BRD10: variants seen among roughly 807,000 people sequenced by gnomAD.
BRD10 encodes bromodomain containing 10, also known as uncharacterized bromodomain-containing protein 10.
At chr9:5,908,087 T>C in the BRD10 span, among the ~76,000 whole-genome samples, 2 of 152,246 alleles carry the variant, frequency 1.3e-5, no homozygotes, top group East Asian at 3.9e-4. Context: ...GTTTGATTCT[T>C]AGCTCCACAA....
At chr9:5,978,524 T>C in the BRD10 span, among the ~76,000 whole-genome samples, 1 of 152,028 alleles carries the variant, frequency 6.6e-6, no homozygotes, top group Non-Finnish European at 1.5e-5. Flanking sequence ...TTTAGAAAAA[T>C]TAACCATTCA....
At chr9:5,929,147 G>T in the BRD10 span, 1 of 1,554,818 alleles carries the variant, frequency 6.4e-7, no homozygotes, top group Non-Finnish European at 8.8e-7. Context: ...TGCCTCCGAT[G>T]ATACCATTTT....
At chr9:6,004,045 G>C in the BRD10 span, among the ~76,000 whole-genome samples, 2 of 152,072 alleles carry the variant, frequency 1.3e-5, no homozygotes, top group Non-Finnish European at 2.9e-5. Flanking sequence ...TTCAGCATTC[G>C]GAATGCCCCA....
chr9:5,896,922 C>T, the BRD10 span, among the ~76,000 whole-genome samples: 4 of 152,264 alleles, frequency 2.6e-5, no homozygotes, highest in African/African-American at 7.2e-5. Context: ...AGGAGCAAAG[C>T]GGGGAGTTTA....
At chr9:5,920,638 G>A in the BRD10 span, 2 of 1,613,962 alleles carry the variant, frequency 1.2e-6, no homozygotes, top group Non-Finnish European at 1.7e-6. Flanking sequence ...AATGGAACTG[G>A]AGTGAAGTCC....
At chr9:5,983,962 TACACACACACACACACACACAC>T in the BRD10 span, among the ~76,000 whole-genome samples, 2 of 129,724 alleles carry the variant, frequency 1.5e-5, no homozygotes, top group Non-Finnish European at 3.2e-5. Flanking sequence ...GTATATGCAT[TACACACACACACACACACACAC>T]ACACACACAC....
the BRD10 span, among the ~76,000 whole-genome samples, chr9:5,931,986 C>T: frequency 6.6e-6 from 1 of 152,180 alleles, no homozygotes; most frequent in African/African-American, 2.4e-5. Context: ...TTGGTCAAAA[C>T]ATGGTGCTTA....
the BRD10 span, chr9:5,908,939 T>A: frequency 7.9e-6 from 4 of 503,672 alleles, no homozygotes; most frequent in East Asian, 1.4e-4. Context: ...TTGCAATGCA[T>A]GATACTATCT....
At chr9:5,889,590 T>C in the BRD10 span, among the ~76,000 whole-genome samples, 79 of 152,132 alleles carry the variant, frequency 5.2e-4, no homozygotes, top group African/African-American at 1.9e-3. Flanking sequence ...ATCGAGACCA[T>C]CCTGGCCAAC....
At chr9:5,934,197 A>G in the BRD10 span, among the ~76,000 whole-genome samples, 18 of 151,998 alleles carry the variant, frequency 1.2e-4, 1 homozygote, top group Admixed American at 5.2e-4. Context: ...CATATACAAC[A>G]AAAGTATGAA....
At chr9:5,953,495 T>G in the BRD10 span, among the ~76,000 whole-genome samples, 88 of 152,204 alleles carry the variant, frequency 5.8e-4, no homozygotes, top group African/African-American at 1.9e-3. Context: ...AATTAACCTT[T>G]ACTTAATATT....
the BRD10 span, among the ~76,000 whole-genome samples, chr9:5,982,557 C>A: frequency 1.3e-5 from 2 of 152,130 alleles, no homozygotes; most frequent in Non-Finnish European, 2.9e-5. Context: ...CACACTCAGC[C>A]CCTCACCATG....
the BRD10 span, among the ~76,000 whole-genome samples, chr9:5,940,336 G>A: frequency 2.0e-5 from 3 of 152,100 alleles, no homozygotes; most frequent in African/African-American, 7.2e-5. Context: ...TGGGATTACA[G>A]GCACGCGCCA....
At chr9:5,960,047 G>T in the BRD10 span, among the ~76,000 whole-genome samples, 1 of 152,168 alleles carries the variant, frequency 6.6e-6, no homozygotes, top group East Asian at 1.9e-4. Context: ...ATTCTTCAAA[G>T]TCCTTCATCC....
chr9:5,945,721 G>A, the BRD10 span, among the ~76,000 whole-genome samples: 1 of 151,938 alleles, frequency 6.6e-6, no homozygotes, highest in Admixed American at 6.6e-5. Flanking sequence ...CTTAGTTTTT[G>A]TAAAATTATA....
the BRD10 span, among the ~76,000 whole-genome samples, chr9:5,929,391 A>T: frequency 1.1e-4 from 16 of 152,200 alleles, no homozygotes; most frequent in Non-Finnish European, 2.1e-4. Context: ...GAAGATAAAA[A>T]TTTTAAAAAT....
chr9:5,965,069 A>G, the BRD10 span, among the ~76,000 whole-genome samples: 1 of 151,022 alleles, frequency 6.6e-6, no homozygotes, highest in South Asian at 2.1e-4. Context: ...AAAAAAAAAA[A>G]AAAAGAAAAA....
the BRD10 span, among the ~76,000 whole-genome samples, chr9:5,930,015 G>C: frequency 6.6e-6 from 1 of 151,778 alleles, no homozygotes; most frequent in South Asian, 2.1e-4. Context: ...CACCTCACCT[G>C]TATATATAAA....
the BRD10 span, among the ~76,000 whole-genome samples, chr9:5,927,828 G>A: frequency 0.026 from 4,022 of 152,028 alleles, 81 homozygotes; most frequent in South Asian, 0.089. Context: ...TCTAATGCTC[G>A]CTTTTCTTTT....
Sources: gnomAD v4.1 joint callset for allele counts (sites outside exome capture counted in the v4.1 genomes callset) on GRCh38, gnomAD v4.1.1 for gene constraint, MANE v1.5 for transcripts, NCBI Gene and HGNC (gene_info 2026-07-23, HGNC 2026-07-21) for gene names.